The following MAGI3 variants were observed in gnomAD, a reference collection of about 807,000 sequenced individuals.
MAGI3 encodes membrane-associated guanylate kinase, WW and PDZ domain-containing protein 3.
A neutral mutation model predicts 121.8 loss-of-function variants in MAGI3; 43 were observed. The observed-to-expected ratio is 0.35, with a 90% CI of 0.28 to 0.46. The LOEUF is 0.46. Among genes scored for constraint, MAGI3 ranks in the 20% least tolerant of loss-of-function variants. The probability of loss-of-function intolerance (pLI) is 1.00; values close to 1 mark genes in which losing one functional copy is unlikely to be tolerated. For synonymous variants in MAGI3, 553 were observed against 639.3 expected (o/e 0.86, Z 2.04); for missense variants, 1,547 against 1,797.3 (o/e 0.86, Z 2.52).
At chr1:113,568,400 A>G (rs534780680) in intron 2 of MAGI3, among the ~76,000 whole-genome samples, 225 of 152,218 alleles carry the variant, frequency 1.5e-3, no homozygotes, top group African/African-American at 5.3e-3. Flanking sequence ...TAAAGGCAGT[A>G]TGGCAAAGAT....
rs1218155374 is a variant in MAGI3 at position 113,422,410 on chromosome 1, G to A, written c.316+31061G>A. ...AGTTTTGCTCGCACCTGCTGGGCTC[G>A]TTCTGCCCACTTGGCCTGTCAGGCT... On this transcript the variant is annotated intron_variant, in intron 1 of 20. Transcript: ENST00000307546. The surrounding 1 kb of genome is among the most constrained non-coding windows in gnomAD (Gnocchi z 4.3). Among the ~76,000 whole-genome samples the A allele has an allele frequency of 6.6e-6, 1 of 152,334 alleles. No homozygotes were observed. The highest frequency in any genetic ancestry group is 3.4e-3 in the Middle Eastern group (1 of 294).
Position 113,622,794 on chromosome 1 carries a change from A to ATT in MAGI3, c.1172-9_1172-8dup, listed in dbSNP as rs760166059. The stretch of plus-strand genomic sequence containing the variant: ...ATTTTTGTTCTCAAACCCACTTCTC[A>ATT]TTTTGGCACAGATATGGAAAAATCA... On this transcript the variant is annotated splice_polypyrimidine_tract_variant and intron_variant, in intron 8 of 20. Transcript: ENST00000307546. The ATT allele has an allele frequency of 1.5e-5, 23 of 1,559,000 alleles. No individual in the cohort carries two copies. In the South Asian group the frequency reaches 2.8e-4, roughly 19 times the overall value.
intron 1 of MAGI3, among the ~76,000 whole-genome samples, chr1:113,447,581 C>T (rs1248463907): frequency 2.0e-5 from 3 of 152,156 alleles, no homozygotes; most frequent in African/African-American, 4.8e-5. Context: ...CGGCTGGGAG[C>T]GGTGGCTCAC....
chr1:113,496,065 T>C (rs1013570979), intron 1 of MAGI3, among the ~76,000 whole-genome samples: 16 of 152,204 alleles, frequency 1.1e-4, no homozygotes, highest in Non-Finnish European at 7.3e-5. Flanking sequence ...TTCTGTGAGC[T>C]TTTTGTTTAT....
At chr1:113,552,401 G>A (rs558946874) in intron 2 of MAGI3, among the ~76,000 whole-genome samples, 5 of 151,896 alleles carry the variant, frequency 3.3e-5, no homozygotes, top group Admixed American at 6.6e-5. Flanking sequence ...ACTGTTTTTG[G>A]CATAAAGCAT....
intron 2 of MAGI3, among the ~76,000 whole-genome samples, chr1:113,555,623 T>TTA (rs1351254772): frequency 1.3e-5 from 2 of 152,084 alleles, no homozygotes; most frequent in African/African-American, 2.4e-5. Context: ...ATATGAAACA[T>TTA]GTTATCTAGC....
At chr1:113,568,316 G>A (rs889666293) in intron 2 of MAGI3, among the ~76,000 whole-genome samples, 1 of 151,974 alleles carries the variant, frequency 6.6e-6, no homozygotes, top group Non-Finnish European at 1.5e-5. Context: ...TGAAACGTAA[G>A]TCCTCTATAG....
At position 113,672,736 on chromosome 1, in the gene MAGI3, A is replaced by G; in HGVS notation, c.3040A>G (p.Asn1014Asp). 6.2e-7 allele frequency: 1 copy of G among 1,609,802 alleles called. No individual in the cohort carries two copies. The highest frequency in any genetic ancestry group is 8.5e-7 in the Non-Finnish European group (1 of 1,178,486). The change falls in exon 18 of 21, where the codon AAT (asparagine) becomes GAT (aspartate). Residue 1014 changes from asparagine (N) to aspartate (D), a missense_variant. By Grantham distance (23) the Asn-to-Asp change is conservative. Coordinates refer to ENST00000307546, the MANE Select transcript of MAGI3 (RefSeq NM_001142782.2). Reference protein sequence around the residue: ...AVISVVGSRHNQNLGCYPVEL... With the variant: ...AVISVVGSRHDQNLGCYPVEL... ...AATTTCAGTTGTAGGCAGTCGGCACAATCAGGTAAACAAACATTTCCCCAG... is the reference window on the plus strand; with the variant it reads ...AATTTCAGTTGTAGGCAGTCGGCACGATCAGGTAAACAAACATTTCCCCAG...
chr1:113,443,267 C>T (rs1258291661), intron 1 of MAGI3, among the ~76,000 whole-genome samples: 1 of 152,052 alleles, frequency 6.6e-6, no homozygotes, highest in African/African-American at 2.4e-5. Context: ...GTTCTGAGTT[C>T]CAGTAGTTCT....
chr1:113,514,765 T>C (rs1657803228), intron 1 of MAGI3, among the ~76,000 whole-genome samples: 1 of 152,108 alleles, frequency 6.6e-6, no homozygotes, highest in Non-Finnish European at 1.5e-5. Context: ...ACCCTAAAAC[T>C]TAAAGTATAA....
chr1:113,659,203 A>T lies in MAGI3; in HGVS notation c.2753A>T (p.Asn918Ile). 1 of 1,614,044 alleles carries T rather than the reference A, an allele frequency of 6.2e-7. No individual in the cohort carries two copies. Among genetic ancestry groups the T allele is most frequent in the Non-Finnish European group, 8.5e-7 (1 of 1,179,974 alleles). The change falls in exon 16 of 21, where the codon AAC becomes ATC. Residue 918 changes from asparagine (N) to isoleucine (I), a missense_variant. Transcript: ENST00000307546. ...TCCATTGTTGAACTGTCTCATGATA[A>T]CATTGTTCAGCTGATCAAAGATGCT... ...GQSIVELSHD[N>I]IVQLIKDAGV...
At chr1:113,672,519 C>T (rs987924437) in intron 17 of MAGI3, 96 bp from the exon 18 acceptor site, 21 of 1,374,756 alleles carry the variant, frequency 1.5e-5, no homozygotes, top group Non-Finnish European at 1.9e-5. Context: ...GGGAAAATGG[C>T]AAGGTCGAGC....
At chr1:113,682,069 C>T (rs1176176851) in intron 20 of MAGI3, 1 of 696,138 alleles carries the variant, frequency 1.4e-6, no homozygotes, top group Non-Finnish European at 2.0e-6. Flanking sequence ...TCCTACAGTA[C>T]CCTTCCAGCT....
chr1:113,685,531 C>T lies in MAGI3; in HGVS notation c.*1517C>T, dbSNP rs1028523225. 6.6e-6 allele frequency: 1 copy of T among 152,308 alleles called. No homozygotes were observed. The highest frequency in any genetic ancestry group is 2.4e-5 in the African/African-American group (1 of 41,436). 9.4% of individuals were successfully genotyped at this position (152,308 alleles called of 1,614,324 possible). A position where few individuals can be genotyped will look rare whatever the true frequency, so the allele number is the denominator to read the frequency against. ...CTTCCCAGAGTGAGATTTTTGAAAT[C>T]CCCTTTTCATCCAGAACTATATTTA... On this transcript the variant is annotated 3_prime_UTR_variant, in exon 21 of 21. Transcript: ENST00000307546.
At chr1:113,669,563 T>C (rs1042439741) in intron 16 of MAGI3, among the ~76,000 whole-genome samples, 1 of 152,212 alleles carries the variant, frequency 6.6e-6, no homozygotes, top group Non-Finnish European at 1.5e-5. Context: ...AGAGTCTTGC[T>C]CTGTCGCCCA....
intron 3 of MAGI3, among the ~76,000 whole-genome samples, chr1:113,583,204 G>T (rs1046697720): frequency 1.3e-5 from 2 of 151,590 alleles, no homozygotes. Flanking sequence ...ATGCAGGTTT[G>T]TTACATATGT....
rs765618974 is a variant in MAGI3 at position 113,391,915 on chromosome 1, A to G, written c.316+566A>G. Among the ~76,000 whole-genome samples the G allele has an allele frequency of 6.6e-6, 1 of 152,240 alleles. No individual in the cohort carries two copies. Among genetic ancestry groups the G allele is most frequent in the Non-Finnish European group, 1.5e-5 (1 of 68,046 alleles). ...GTGTCTGAGTACCGATGACGGTACA[A>G]TATGTGATATGTGGCAGACTGGTGT... On this transcript the variant is annotated intron_variant, in intron 1 of 20. Coordinates refer to ENST00000307546, the MANE Select transcript of MAGI3 (RefSeq NM_001142782.2). This position sits in a 1 kb window ranked among gnomAD's most constrained non-coding sequence, Gnocchi z 4.4.
intron 1 of MAGI3, among the ~76,000 whole-genome samples, chr1:113,525,120 A>G (rs1260562989): frequency 6.6e-6 from 1 of 152,212 alleles, no homozygotes; most frequent in East Asian, 1.9e-4. Flanking sequence ...CTGTGAGTCC[A>G]TTAAACCTCT....
chr1:113,656,913 C>T (rs1383602512), intron 15 of MAGI3, among the ~76,000 whole-genome samples: 1 of 152,108 alleles, frequency 6.6e-6, no homozygotes, highest in Non-Finnish European at 1.5e-5. Context: ...TAGAAAAGGC[C>T]TCTATTTAAG....
Sources: gnomAD v4.1 joint callset for allele counts (sites outside exome capture counted in the v4.1 genomes callset) on GRCh38, gnomAD v4.1.1 for gene constraint, Gnocchi (gnomAD v3.1) non-coding constraint, MANE v1.5 for transcripts, NCBI Gene and HGNC (gene_info 2026-07-23, HGNC 2026-07-21) for gene names.